Variants in BLTP1 observed in about 807,000 individuals in gnomAD.
BLTP1 encodes the protein bridge-like lipid transfer protein family member 1.
the BLTP1 span, chr4:122,249,797 A>C: frequency 2.1e-6 from 3 of 1,457,376 alleles, no homozygotes; most frequent in Non-Finnish European, 2.8e-6. Flanking sequence ...TAAAGCAGAA[A>C]GTGTGGTATC....
the BLTP1 span, among the ~76,000 whole-genome samples, chr4:122,361,445 A>C: frequency 6.6e-6 from 1 of 152,074 alleles, no homozygotes; most frequent in Non-Finnish European, 1.5e-5. Flanking sequence ...CTCCTGAAAA[A>C]CCTGTGGTAT....
the BLTP1 span, among the ~76,000 whole-genome samples, chr4:122,190,742 G>A: frequency 1.3e-5 from 2 of 152,108 alleles, no homozygotes; most frequent in African/African-American, 4.8e-5. Context: ...GAGACTTAAA[G>A]TTTGAGGATT....
the BLTP1 span, chr4:122,202,714 C>A: frequency 6.2e-6 from 1 of 161,422 alleles, no homozygotes; most frequent in Non-Finnish European, 1.3e-5. Context: ...TAGACATATA[C>A]ATTCTTCATG....
At chr4:122,328,054 T>G in the BLTP1 span, 14 of 1,344,796 alleles carry the variant, frequency 1.0e-5, no homozygotes, top group African/African-American at 3.0e-5. Context: ...ATTTTTTCTT[T>G]TTTTAATTGA....
chr4:122,255,315 A>T, the BLTP1 span: 2 of 1,445,614 alleles, frequency 1.4e-6, no homozygotes, highest in Non-Finnish European at 1.9e-6. Flanking sequence ...AGTTTTAAGG[A>T]ATTCTCTATT....
the BLTP1 span, among the ~76,000 whole-genome samples, chr4:122,192,741 A>G: frequency 6.6e-6 from 1 of 152,182 alleles, no homozygotes; most frequent in East Asian, 1.9e-4. Flanking sequence ...ATTCAGAAAT[A>G]AAAGACATAT....
the BLTP1 span, chr4:122,240,277 G>T: frequency 6.2e-7 from 1 of 1,613,960 alleles, no homozygotes; most frequent in Non-Finnish European, 8.5e-7. Flanking sequence ...TCATTGCATC[G>T]TCCCCTTGAT....
the BLTP1 span, chr4:122,197,544 C>A: frequency 3.2e-6 from 2 of 617,324 alleles, no homozygotes; most frequent in South Asian, 1.4e-4. Context: ...TTACTTAATG[C>A]ATGGTTTTCC....
chr4:122,252,115 A>G, the BLTP1 span, among the ~76,000 whole-genome samples: 1 of 152,178 alleles, frequency 6.6e-6, no homozygotes, highest in African/African-American at 2.4e-5. Context: ...CCTGCTGACT[A>G]AAGAGCCTTT....
chr4:122,267,416 G>A, the BLTP1 span, among the ~76,000 whole-genome samples: 7 of 152,094 alleles, frequency 4.6e-5, no homozygotes, highest in South Asian at 1.0e-3. Context: ...AAAAGTAGTA[G>A]CCACATTTTC....
At chr4:122,348,386 T>A in the BLTP1 span, 1 of 189,828 alleles carries the variant, frequency 5.3e-6, no homozygotes, top group South Asian at 1.8e-4. Context: ...CCAGCACTTA[T>A]AAACATTTAG....
At chr4:122,248,187 T>C in the BLTP1 span, 1 of 861,764 alleles carries the variant, frequency 1.2e-6, no homozygotes, top group African/African-American at 1.8e-5. Context: ...GGACTTTTCA[T>C]GACTACCTAA....
chr4:122,180,039 CACACAT>C, the BLTP1 span: 50 of 939,852 alleles, frequency 5.3e-5, no homozygotes, highest in East Asian at 5.3e-4. Context: ...CACACACACA[CACACAT>C]ACACACACAC....
the BLTP1 span, among the ~76,000 whole-genome samples, chr4:122,283,280 A>G: frequency 5.4e-5 from 8 of 147,300 alleles, no homozygotes; most frequent in Admixed American, 4.6e-4. Context: ...ACCAGTGATC[A>G]TTGTATATAA....
chr4:122,226,223 T>C, the BLTP1 span: 1 of 165,706 alleles, frequency 6.0e-6, no homozygotes, highest in Non-Finnish European at 1.2e-5. Flanking sequence ...AATTATGATA[T>C]ATACTTACTT....
At chr4:122,286,392 A>G in the BLTP1 span, 1 of 1,400,554 alleles carries the variant, frequency 7.1e-7, no homozygotes, top group Non-Finnish European at 9.4e-7. Flanking sequence ...GGAATATTTT[A>G]TAAGCAACTT....
chr4:122,186,183 G>A, the BLTP1 span: 5 of 1,611,788 alleles, frequency 3.1e-6, no homozygotes, highest in African/African-American at 2.7e-5. Context: ...GATAAAACAC[G>A]GGAAATTGGA....
chr4:122,334,654 A>G, the BLTP1 span: 1 of 1,094,224 alleles, frequency 9.1e-7, no homozygotes, highest in East Asian at 2.5e-5. Flanking sequence ...AAAAGGACAT[A>G]CATTTGTCAA....
At chr4:122,335,602 G>C in the BLTP1 span, among the ~76,000 whole-genome samples, 1 of 152,112 alleles carries the variant, frequency 6.6e-6, no homozygotes, top group African/African-American at 2.4e-5. Context: ...GTGCATGGCA[G>C]CTATTAACCC....
Sources: gnomAD v4.1 joint callset for allele counts (sites outside exome capture counted in the v4.1 genomes callset) on GRCh38, gnomAD v4.1.1 for gene constraint, MANE v1.5 for transcripts, NCBI Gene and HGNC (gene_info 2026-07-23, HGNC 2026-07-21) for gene names.